AKAP13: variants seen among roughly 807,000 people sequenced by gnomAD.
AKAP13 encodes A-kinase anchoring protein 13.
A neutral mutation model predicts 264.5 loss-of-function variants in AKAP13; 80 were observed. The ratio of observed to expected loss-of-function variants is 0.30; its 90% CI spans 0.25 to 0.36. The LOEUF (loss-of-function observed/expected upper bound fraction) is 0.36, where lower values mean the gene tolerates loss of function less well. Among genes scored for constraint, AKAP13 ranks in the 10% least tolerant of loss-of-function variants. The pLI is 1.00. For synonymous variants in AKAP13, 1,380 were observed against 1,250.2 expected, an observed-to-expected ratio of 1.10 and a Z score of -2.19; for missense variants, 3,712 against 3,435.2, an observed-to-expected ratio of 1.08 and a Z score of -2.01.
At position 85,454,852 on chromosome 15, in the gene AKAP13, G is replaced by T. The variant is rs992414830; in HGVS notation, c.-11-30858G>T. On this transcript the variant is annotated intron_variant, in intron 1 of 36. Coordinates refer to ENST00000394518, the MANE Select transcript of AKAP13 (RefSeq NM_007200.5). ...TAACTGTTTTGAGTTACTCACTGAA[G>T]ATCATTTGGTCTCTTAACAGGCAGC... Among the ~76,000 whole-genome samples the T allele has an allele frequency of 2.6e-5, 4 of 152,248 alleles. No homozygotes were observed. In the East Asian group the frequency reaches 7.7e-4, roughly 29 times the overall value.
At chr15:85,716,393 C>A (rs928034612) in intron 20 of AKAP13, among the ~76,000 whole-genome samples, 1 of 152,052 alleles carries the variant, frequency 6.6e-6, no homozygotes. Flanking sequence ...AGTGCTGAGC[C>A]AATTATTACT....
At position 85,614,627 on chromosome 15, in the gene AKAP13, C is replaced by A. The variant is rs550299722; in HGVS notation, c.4162-24747C>A. Among the ~76,000 whole-genome samples the A allele has an allele frequency of 2.0e-5, 3 of 152,220 alleles. No individual in the cohort carries two copies. The East Asian group carries it at 5.8e-4, about 29-fold the overall frequency. On this transcript the variant is annotated intron_variant, in intron 8 of 36. Transcript: ENST00000394518. ...GAGTAATGAATCCCAAGTTTTCTTT[C>A]CTCAAATACTAACTTTTCTCTGTTA... is the stretch of plus-strand genomic sequence containing the variant.
chr15:85,529,841 C>T (rs1014932959), intron 3 of AKAP13, among the ~76,000 whole-genome samples: 3 of 152,190 alleles, frequency 2.0e-5, no homozygotes, highest in Non-Finnish European at 4.4e-5. Context: ...CATCTTTTAA[C>T]CCTCAGGTTT....
intron 8 of AKAP13, among the ~76,000 whole-genome samples, chr15:85,638,345 T>C (rs748245741): frequency 6.6e-6 from 1 of 152,198 alleles, no homozygotes; most frequent in African/African-American, 2.4e-5. Context: ...TTTGTTTTAT[T>C]TGAGGTTTGT....
chr15:85,381,096 G>T (rs1338942405), intron 1 of AKAP13, among the ~76,000 whole-genome samples: 1 of 152,186 alleles, frequency 6.6e-6, no homozygotes, highest in East Asian at 1.9e-4. Flanking sequence ...CCGGGTGGGG[G>T]GCGCGCCCGG....
intron 5 of AKAP13, among the ~76,000 whole-genome samples, chr15:85,572,180 G>A (rs557981315): frequency 2.0e-5 from 3 of 152,320 alleles, no homozygotes; most frequent in Admixed American, 2.0e-4. Flanking sequence ...TTGGCAAACA[G>A]TGTCCTCTAA....
intron 8 of AKAP13, among the ~76,000 whole-genome samples, chr15:85,628,774 G>A (rs1285949057): frequency 6.6e-6 from 1 of 151,798 alleles, no homozygotes; most frequent in Non-Finnish European, 1.5e-5. Flanking sequence ...AAATATTTTT[G>A]TCTAAATCAA....
At chr15:85,504,043 C>G (rs1218039694) in intron 2 of AKAP13, among the ~76,000 whole-genome samples, 4 of 152,108 alleles carry the variant, frequency 2.6e-5, no homozygotes, top group Admixed American at 2.6e-4. Flanking sequence ...ATTTTGGAGA[C>G]TCTGTGCTTC....
Position 85,644,643 on chromosome 15 carries a change from A to G in AKAP13, c.4238-1175A>G, listed in dbSNP as rs182322855. Among the ~76,000 whole-genome samples the G allele has an allele frequency of 2.1e-3, 307 of 143,302 alleles. 2 individuals carry two copies. Among genetic ancestry groups the G allele is most frequent in the African/African-American group, 7.2e-3 (281 of 38,858 alleles). 94.0% of individuals were successfully genotyped at this position (143,302 alleles called of 152,430 possible). A position where few individuals can be genotyped will look rare whatever the true frequency, so the allele number is the denominator to read the frequency against. On this transcript the variant is annotated intron_variant, in intron 9 of 36. Transcript: ENST00000394518. ...GGCAGGTGGATCACATGGTCAGGAG[A>G]TGGAGATCATCCTGGCTAACACGGT...
rs772273265 is a variant in AKAP13 at position 85,718,324 on chromosome 15, A to G, written c.6001+165A>G. The stretch of plus-strand genomic sequence containing the variant: ...AGAGACGTGGTCCTGTTGGTATCCT[A>G]TCTCCTTTTTGCCCCACTCTTCTGT... On this transcript the variant is annotated intron_variant, in intron 22 of 36. Transcript: ENST00000394518. The surrounding 1 kb of genome is among the most constrained non-coding windows in gnomAD (Gnocchi z 4.9). Among the ~76,000 whole-genome samples, 1 of 152,186 alleles carries G rather than the reference A, an allele frequency of 6.6e-6. No individual in the cohort carries two copies. The highest frequency in any genetic ancestry group is 1.5e-5 in the Non-Finnish European group (1 of 68,034).
Position 85,723,121 on chromosome 15 carries a change from G to A in AKAP13, c.6546G>A (p.Lys2182=), listed in dbSNP as rs770502410. ...TAGCACAGTCCTTGAGCCTGGTGAA[G>A]GATGTGATTGGAGCTGTAGACAGCA... ...EDLAQSLSLV[K]DVIGAVDSKV... Residue 2182 remains lysine (K), a synonymous_variant, in exon 26 of 37, where the codon AAG becomes AAA. Coordinates refer to ENST00000394518, the MANE Select transcript of AKAP13 (RefSeq NM_007200.5). The A allele has an allele frequency of 6.2e-7, 1 of 1,614,138 alleles. No homozygotes were observed. Among genetic ancestry groups the A allele is most frequent in the South Asian group, 1.1e-5 (1 of 91,078 alleles).
chr15:85,518,024 G>A (rs968667689), intron 2 of AKAP13, among the ~76,000 whole-genome samples: 1 of 152,170 alleles, frequency 6.6e-6, no homozygotes, highest in African/African-American at 2.4e-5. Context: ...TATTGCCCTT[G>A]TTAATAAGTT....
chr15:85,401,872 T>TA (rs1263319621), intron 1 of AKAP13, among the ~76,000 whole-genome samples: 16 of 152,110 alleles, frequency 1.1e-4, no homozygotes, highest in Admixed American at 1.0e-3. Flanking sequence ...AACAAGACAG[T>TA]AGTAATAAGA....
Position 85,717,351 on chromosome 15 carries a change from C to A in AKAP13, c.5797C>A (p.Leu1933Ile). 1 of 1,613,330 alleles carries A rather than the reference C, an allele frequency of 6.2e-7. No homozygotes were observed. The highest frequency in any genetic ancestry group is 8.5e-7 in the Non-Finnish European group (1 of 1,179,822). ...WKFLSHSTDS[L>I]NKISKVNEST... is the part of the protein sequence containing the mutation. ...ATTCCTGTCTCATTCAACAGACTCA[C>A]TAAATAAAATCAGCAAGGTCAATGA... The change falls in exon 21 of 37, where the codon CTA (leucine) becomes ATA (isoleucine). Residue 1933 changes from leucine to isoleucine, a missense_variant. By Grantham distance (5) the Leu-to-Ile change is conservative. Transcript: ENST00000394518.
intron 7 of AKAP13, among the ~76,000 whole-genome samples, 157 bp from the exon 8 acceptor site, chr15:85,585,545 G>A (rs538985513): frequency 1.3e-5 from 2 of 152,270 alleles, no homozygotes; most frequent in South Asian, 4.1e-4. Context: ...TCAGCATAGG[G>A]TCAGAAATGA....
At chr15:85,491,235 C>T (rs1282935447) in intron 2 of AKAP13, among the ~76,000 whole-genome samples, 1 of 151,980 alleles carries the variant, frequency 6.6e-6, no homozygotes, top group Non-Finnish European at 1.5e-5. Context: ...ACTACAGCTC[C>T]TATCCCTGTG....
At chr15:85,677,992 A>G (rs1351764465) in intron 14 of AKAP13, among the ~76,000 whole-genome samples, 1 of 151,868 alleles carries the variant, frequency 6.6e-6, no homozygotes, top group Non-Finnish European at 1.5e-5. Context: ...CTCCTTTTGA[A>G]CTTTTATTTT....
At chr15:85,397,272 C>G (rs1276245953) in intron 1 of AKAP13, among the ~76,000 whole-genome samples, 2 of 152,078 alleles carry the variant, frequency 1.3e-5, no homozygotes, top group Non-Finnish European at 2.9e-5. Context: ...GTCCTAAGTG[C>G]ATAGATTCTT....
At chr15:85,522,934 T>TC (rs1289783261) in intron 3 of AKAP13, among the ~76,000 whole-genome samples, 2 of 46,640 alleles carry the variant, frequency 4.3e-5, no homozygotes, top group Non-Finnish European at 9.0e-5. Flanking sequence ...CCACACCCCC[T>TC]CCCCCCGTCG....
Sources: gnomAD v4.1 joint callset for allele counts (sites outside exome capture counted in the v4.1 genomes callset) on GRCh38, gnomAD v4.1.1 for gene constraint, Gnocchi (gnomAD v3.1) non-coding constraint, MANE v1.5 for transcripts, NCBI Gene and HGNC (gene_info 2026-07-23, HGNC 2026-07-21) for gene names.